The following CCM2 variants were observed in gnomAD, a reference collection of about 807,000 sequenced individuals.
CCM2 encodes CCM2 scaffold protein, also known as cerebral cavernous malformations 2 protein.
Under a neutral mutation model 44.9 loss-of-function variants are expected in CCM2, and 25 were observed. That is an observed-to-expected ratio of 0.56 (90% CI 0.41 to 0.78). The LOEUF is 0.78. Ranked by LOEUF, CCM2 falls within the 30% of genes least tolerant of loss-of-function variation. CCM2 has a pLI of 0.00. For synonymous variants in CCM2, 219 were observed against 241.1 expected, an observed-to-expected ratio of 0.91 and a Z score of 0.85; for missense variants, 481 against 580.6, an observed-to-expected ratio of 0.83 and a Z score of 1.76.
chr7:45,050,600 G>A (rs985479406), intron 2 of CCM2, among the ~76,000 whole-genome samples: 4 of 152,132 alleles, frequency 2.6e-5, no homozygotes, highest in Non-Finnish European at 5.9e-5. Flanking sequence ...ATTATAGTTT[G>A]TACTTATAAG....
rs376694464 is a variant in CCM2 at position 45,073,581 on chromosome 7, C to T, written c.915+10C>T. ...GGACTACATGCTGACGGTAGGCCTC[C>T]GCTGCAGGGACGCTGGGCTGCATGA... On this transcript the variant is annotated intron_variant, in intron 8 of 9. Coordinates refer to ENST00000258781, the MANE Select transcript of CCM2 (RefSeq NM_031443.4). 156 of 1,590,826 alleles carry T rather than the reference C, an allele frequency of 9.8e-5. No individual in the cohort carries two copies. The highest frequency in any genetic ancestry group is 1.3e-4 in the East Asian group (6 of 44,618).
chr7:45,070,351 C>T (rs924753945), intron 6 of CCM2: 17 of 412,526 alleles, frequency 4.1e-5, no homozygotes, highest in African/African-American at 3.5e-4. Context: ...TTCAGTATGC[C>T]CAGACTATGG....
intron 1 of CCM2, among the ~76,000 whole-genome samples, chr7:45,028,582 G>A (rs1181314333): frequency 1.3e-5 from 2 of 152,066 alleles, no homozygotes; most frequent in South Asian, 2.1e-4. Context: ...ACTTGAACCC[G>A]GGAGGTGGAG....
chr7:45,068,681 G>A (rs1798907444), intron 5 of CCM2, 102 bp downstream of exon 5: 1 of 1,458,596 alleles, frequency 6.9e-7, no homozygotes, highest in African/African-American at 1.4e-5. Flanking sequence ...GGGCACTGCT[G>A]GGTGCCCCAG....
intron 1 of CCM2, chr7:45,029,296 G>A (rs1583880242): frequency 1.3e-5 from 2 of 152,064 alleles, no homozygotes; most frequent in East Asian, 1.9e-4. Flanking sequence ...GTTCAGAGGC[G>A]GTTTTGTTTT....
intron 9 of CCM2, among the ~76,000 whole-genome samples, chr7:45,075,382 G>A (rs759985050): frequency 1.3e-5 from 2 of 152,254 alleles, no homozygotes; most frequent in Non-Finnish European, 2.9e-5. Flanking sequence ...CCTTGTTGCC[G>A]GGTGCCAGCA....
intron 5 of CCM2, 103 bp from the exon 6 acceptor site, chr7:45,069,723 C>T (rs568877034): frequency 1.4e-6 from 2 of 1,435,778 alleles, no homozygotes; most frequent in East Asian, 2.3e-5. Context: ...ACTCTTCATT[C>T]ATGTTTATTG....
rs1183148131 is a variant in CCM2, at chr7:45,074,287, A to G, written c.933A>G (p.Ser311=). Residue 311 remains serine (S), a synonymous_variant, in exon 9 of 10, where the codon TCA becomes TCG. Transcript: ENST00000258781. ...DYMLTLRTKL[S]SQEIQQFAAL... ...TCTTGCAGCTGCGCACCAAGCTGTC[A>G]TCACAGGAGATCCAGCAGTTTGCAG... 1 of 1,613,558 alleles carries G rather than the reference A, an allele frequency of 6.2e-7. No individual in the cohort carries two copies. The highest frequency in any genetic ancestry group is 1.3e-5 in the African/African-American group (1 of 74,942).
At chr7:45,073,594 C>T (rs768781737) in intron 8 of CCM2, 23 bp downstream of exon 8, 1 of 1,547,176 alleles carries the variant, frequency 6.5e-7, no homozygotes, top group Admixed American at 1.7e-5. Flanking sequence ...TGCAGGGACG[C>T]TGGGCTGCAT....
At chr7:45,035,133 G>T (rs1036960413) in intron 1 of CCM2, among the ~76,000 whole-genome samples, 3 of 152,228 alleles carry the variant, frequency 2.0e-5, no homozygotes, top group South Asian at 2.1e-4. Flanking sequence ...GCTGCACCCA[G>T]CCTGGGAGCA....
In CCM2 at chr7:45,014,491, T is replaced by C. The variant is rs371401356; in HGVS notation, c.30+14128T>C. ...AGCAAACGCATAACAAAATTTACTA[T>C]CTTAACCTTTTAATTTTGGCCATGT... On this transcript the variant is annotated intron_variant, in intron 1 of 9. Transcript: ENST00000258781. Among the ~76,000 whole-genome samples the C allele has an allele frequency of 5.6e-4, 85 of 152,188 alleles. 2 individuals are homozygous for C. In the East Asian group the frequency reaches 0.013, roughly 23 times the overall value.
chr7:45,016,874 C>T (rs974667581), intron 1 of CCM2, among the ~76,000 whole-genome samples: 3 of 152,184 alleles, frequency 2.0e-5, no homozygotes, highest in African/African-American at 7.2e-5. Flanking sequence ...CTCAAGTGAT[C>T]TGACTGTCTC....
At chr7:45,069,735 G>A in intron 5 of CCM2, 91 bp from the exon 6 acceptor site, 2 of 1,496,740 alleles carry the variant, frequency 1.3e-6, no homozygotes, top group Admixed American at 3.4e-5. Flanking sequence ...TGTTTATTGA[G>A]CATCTGGGCT....
chr7:45,046,413 G>C (rs963091902), intron 2 of CCM2, among the ~76,000 whole-genome samples: 1 of 151,908 alleles, frequency 6.6e-6, no homozygotes, highest in Admixed American at 6.6e-5. Context: ...CAGAGATCAG[G>C]GGAGCAAAAT....
At chr7:45,000,025 A>G (rs896133948), upstream of CCM2, among the ~76,000 whole-genome samples, 2 of 151,872 alleles carry the variant, frequency 1.3e-5, no homozygotes, top group Non-Finnish European at 2.9e-5. Context: ...AGCGGGGCCA[A>G]CGGGCCGTGT....
chr7:45,072,821 G>T lies in CCM2; in HGVS notation c.803+38G>T, dbSNP rs377165521. The stretch of plus-strand genomic sequence containing the variant: ...GCCACCAAGCCCTGCGGTGGGACAC[G>T]CACCAAATGCGTTGTCTGGTGTTGT... On this transcript the variant is annotated intron_variant, in intron 7 of 9. Transcript: ENST00000258781. 2.5e-5 allele frequency: 38 copies of T among 1,545,486 alleles called. No homozygotes were observed. The African/African-American group carries it at 3.4e-4, about 14-fold the overall frequency.
At position 45,068,038 on chromosome 7, in the gene CCM2, T is replaced by C. The variant is rs888841901; in HGVS notation, c.473-405T>C. 10 of 314,872 alleles carry C rather than the reference T, an allele frequency of 3.2e-5. No individual in the cohort carries two copies. The East Asian group carries it at 8.0e-4, about 25-fold the overall frequency. 19.5% of individuals were successfully genotyped at this position (314,872 alleles called of 1,614,324 possible). A position where few individuals can be genotyped will look rare whatever the true frequency, so the allele number is the denominator to read the frequency against. On this transcript the variant is annotated intron_variant, in intron 4 of 9. Transcript: ENST00000258781. ...TGGGGTCTGACCGTCTAGATTGCCA[T>C]GTGGACAGTGCAACTCACACGCCCT...
At chr7:45,040,755 G>GGC (rs386410042) in intron 2 of CCM2, among the ~76,000 whole-genome samples, 7 of 141,720 alleles carry the variant, frequency 4.9e-5, no homozygotes, top group South Asian at 5.6e-4. Context: ...GGGAGGCCAA[G>GGC]GGGGGCAGAT....
chr7:45,058,900 A>ATTTTTTT (rs71565945), intron 2 of CCM2, among the ~76,000 whole-genome samples: 2 of 142,556 alleles, frequency 1.4e-5, no homozygotes, highest in Non-Finnish European at 1.5e-5. Context: ...CGCCCAGCTA[A>ATTTTTTT]TTTTTTTTTT....
Sources: allele counts gnomAD v4.1 joint callset (sites outside exome capture counted in the v4.1 genomes callset), GRCh38; gene constraint gnomAD v4.1.1; transcripts MANE v1.5; gene names NCBI Gene and HGNC (gene_info 2026-07-23, HGNC 2026-07-21).